Variants in MAGI2 observed in about 807,000 individuals in gnomAD.
MAGI2 encodes membrane-associated guanylate kinase, WW and PDZ domain-containing protein 2.
MAGI2 carries 35 observed loss-of-function variants against 133.3 expected under a neutral mutation model. The ratio of observed to expected loss-of-function variants is 0.26; its 90% confidence interval spans 0.20 to 0.35. The LOEUF (loss-of-function observed/expected upper bound fraction) is 0.35. Among genes scored for constraint, MAGI2 ranks in the 10% least tolerant of loss-of-function variants. The pLI is 1.00. For missense variants in MAGI2, 1,636 were observed against 1,863.4 expected, an observed-to-expected ratio of 0.88 and a Z score of 2.25; for synonymous variants, 729 against 710.6, an observed-to-expected ratio of 1.03 and a Z score of -0.41.
At chr7:79,130,896 C>G (rs901014883) in intron 1 of MAGI2, among the ~76,000 whole-genome samples, 3 of 143,448 alleles carry the variant, frequency 2.1e-5, no homozygotes, top group Non-Finnish European at 4.6e-5. Context: ...TGAAGAAAGT[C>G]ACCAATTCAT....
intron 2 of MAGI2, among the ~76,000 whole-genome samples, chr7:78,744,095 A>G (rs1342627714): frequency 1.3e-5 from 2 of 152,204 alleles, no homozygotes; most frequent in Admixed American, 6.5e-5. Context: ...TTAAATCACC[A>G]TACATTTATG....
chr7:79,411,671 A>T (rs575795649), intron 1 of MAGI2: 64 of 152,176 alleles, frequency 4.2e-4, no homozygotes, highest in African/African-American at 1.5e-3. Context: ...GTCTGTGGTA[A>T]TTTGTTACAG....
At chr7:78,329,008 A>T (rs1019443598) in intron 9 of MAGI2, among the ~76,000 whole-genome samples, 1 of 152,116 alleles carries the variant, frequency 6.6e-6, no homozygotes, top group Non-Finnish European at 1.5e-5. Context: ...ACGTAGTAGA[A>T]TTTTTTTCCC....
chr7:78,970,911 C>T (rs1325178054), intron 2 of MAGI2, among the ~76,000 whole-genome samples: 1 of 152,022 alleles, frequency 6.6e-6, no homozygotes, highest in East Asian at 1.9e-4. Flanking sequence ...GCATTTTGGG[C>T]TTGGAGAGAG....
At position 78,665,500 on chromosome 7, in the gene MAGI2, A is replaced by G. The variant is rs2151054359; in HGVS notation, c.419-38261T>C. ...CACATTGTACACTGATAAGCTGGTT[A>G]GAGAAAGGAGCCAGAAGTGGTCCAA... On this transcript the variant is annotated intron_variant, in intron 2 of 21. Transcript: ENST00000354212. 2.0e-5 allele frequency among the ~76,000 whole-genome samples: 3 copies of G among 152,318 alleles called. 1 individual carries two copies. Among genetic ancestry groups the G allele is most frequent in the Middle Eastern group, 6.8e-3 (2 of 294 alleles).
At chr7:78,491,718 G>A (rs1793623416) in intron 5 of MAGI2, among the ~76,000 whole-genome samples, 1 of 151,984 alleles carries the variant, frequency 6.6e-6, no homozygotes, top group Non-Finnish European at 1.5e-5. Context: ...ATATAAGCTA[G>A]CTTTTCTTCT....
intron 3 of MAGI2, among the ~76,000 whole-genome samples, chr7:78,591,946 T>C: frequency 6.6e-6 from 1 of 152,150 alleles, no homozygotes; most frequent in East Asian, 1.9e-4. Context: ...TTAAAAAATC[T>C]GATGGAAAAA....
chr7:78,997,211 A>C (rs2116406104), intron 2 of MAGI2, among the ~76,000 whole-genome samples: 2 of 152,304 alleles, frequency 1.3e-5, no homozygotes, highest in African/African-American at 4.8e-5. Flanking sequence ...CATGCAGAAA[A>C]AGCAACTTTC....
rs201296505 is a variant in MAGI2 at position 78,569,627 on chromosome 7, TA to T, written c.539-47983del. Among the ~76,000 whole-genome samples the T allele has an allele frequency of 1.9e-3, 292 of 152,230 alleles. 2 individuals are homozygous for T. The highest frequency in any genetic ancestry group is 9.1e-3 in the East Asian group (47 of 5,192). ...ATTAAATCATTCCAACAGTAATATT[TA>T]AAAAAAATAAAATTTAAAACTTTTT... On this transcript the variant is annotated intron_variant, in intron 3 of 21. Coordinates refer to ENST00000354212, the MANE Select transcript of MAGI2 (RefSeq NM_012301.4).
rs148884721 is a variant in MAGI2, at chr7:78,469,322, T to C, written c.1045+20439A>G. Among the ~76,000 whole-genome samples the C allele has an allele frequency of 6.6e-5, 10 of 152,300 alleles. No homozygotes were observed. The East Asian group carries it at 1.9e-3, about 29-fold the overall frequency. On this transcript the variant is annotated intron_variant, in intron 6 of 21. Transcript: ENST00000354212. ...CATCATTTTATTTTTATTTACTTAT[T>C]CTGTGTGGACACCTTCCTAAACTCT...
chr7:78,639,400 G>A (rs942650235), intron 2 of MAGI2, among the ~76,000 whole-genome samples: 1 of 152,120 alleles, frequency 6.6e-6, no homozygotes, highest in Non-Finnish European at 1.5e-5. Context: ...ATGGAGGGAA[G>A]AAACAAAGAA....
At chr7:78,674,978 G>A (rs1294661695) in intron 2 of MAGI2, among the ~76,000 whole-genome samples, 1 of 152,020 alleles carries the variant, frequency 6.6e-6, no homozygotes, top group Admixed American at 6.6e-5. Flanking sequence ...ACAAGATTAG[G>A]ACAAAGCTTT....
At chr7:78,896,046 T>C (rs552061199) in intron 2 of MAGI2, among the ~76,000 whole-genome samples, 1 of 152,322 alleles carries the variant, frequency 6.6e-6, no homozygotes, top group South Asian at 2.1e-4. Flanking sequence ...ATCAGATTGT[T>C]AGGCTTCAAT....
chr7:78,897,128 T>C (rs1053403151), intron 2 of MAGI2, among the ~76,000 whole-genome samples: 16 of 152,228 alleles, frequency 1.1e-4, no homozygotes, highest in Non-Finnish European at 2.2e-4. Context: ...TGGAACTCTC[T>C]AGTTTTAGAA....
At chr7:78,340,456 T>C (rs1228516562) in intron 9 of MAGI2, among the ~76,000 whole-genome samples, 1 of 152,234 alleles carries the variant, frequency 6.6e-6, no homozygotes, top group Non-Finnish European at 1.5e-5. Context: ...ACTCATTTTA[T>C]GATGCCAGCA....
intron 1 of MAGI2, among the ~76,000 whole-genome samples, chr7:79,106,630 A>T (rs1241097730): frequency 6.6e-6 from 1 of 152,226 alleles, no homozygotes; most frequent in Admixed American, 6.5e-5. Flanking sequence ...TCCCTGAAAC[A>T]ATTCTAAACT....
In MAGI2 at chr7:78,387,030, T is replaced by C. The variant is rs186818420; in HGVS notation, c.1046-17817A>G. 1.7e-3 allele frequency among the ~76,000 whole-genome samples: 255 copies of C among 152,338 alleles called. 1 individual carries two copies. Among genetic ancestry groups the C allele is most frequent in the Admixed American group, 3.7e-3 (57 of 15,300 alleles). ...GAGTTTGCATTTTCAGAATTAACCC[T>C]GATAGACACAGGGCATATAGATTGG... On this transcript the variant is annotated intron_variant, in intron 6 of 21. Transcript: ENST00000354212.
chr7:78,091,052 A>ATGTGTGTGTG lies in MAGI2; in HGVS notation c.3568-11977_3568-11968dup, dbSNP rs3084764. Among the ~76,000 whole-genome samples the ATGTGTGTGTG allele has an allele frequency of 6.2e-3, 936 of 150,116 alleles. 7 individuals are homozygous for ATGTGTGTGTG. Among genetic ancestry groups the ATGTGTGTGTG allele is most frequent in the Middle Eastern group, 0.017 (5 of 294 alleles). On this transcript the variant is annotated intron_variant, in intron 20 of 21. Transcript: ENST00000354212. ...TAGTGACTGATGTGTATGTGTGTGT[A>ATGTGTGTGTG]TGTGTGTGTGTGTGTGTGTGTGTGT...
chr7:78,903,238 G>T (rs1255952386), intron 2 of MAGI2, among the ~76,000 whole-genome samples: 1 of 122,878 alleles, frequency 8.1e-6, no homozygotes, highest in Non-Finnish European at 1.6e-5. Context: ...CTTTCGCCCA[G>T]GCTGGACTGC....
Sources: allele counts gnomAD v4.1 joint callset (sites outside exome capture counted in the v4.1 genomes callset), GRCh38; gene constraint gnomAD v4.1.1; transcripts MANE v1.5; gene names NCBI Gene and HGNC (gene_info 2026-07-23, HGNC 2026-07-21).